Variants in PARM1 observed in about 807,000 individuals in gnomAD.
PARM1 encodes the protein WSC4, cell wall integrity and stress response component 4 homolog.
A neutral mutation model predicts 24.6 loss-of-function variants in PARM1; 14 were observed. That is an observed-to-expected ratio of 0.57 (90% CI 0.38 to 0.89). The LOEUF (loss-of-function observed/expected upper bound fraction) is 0.89, where lower values mean the gene tolerates loss of function less well. Among genes scored for constraint, PARM1 ranks in the 40% least tolerant of loss-of-function variants. The pLI, the probability that PARM1 is intolerant of heterozygous loss-of-function variation, is 0.00. For missense variants in PARM1, 362 were observed against 380.4 expected (o/e 0.95, Z 0.40); for synonymous variants, 179 against 156.6 (o/e 1.14, Z -1.07).
intron 1 of PARM1, among the ~76,000 whole-genome samples, chr4:74,992,285 A>C (rs1463228244): frequency 6.6e-6 from 1 of 152,166 alleles, no homozygotes; most frequent in East Asian, 1.9e-4. Context: ...TTGAAGGCAA[A>C]GTAATAGAAC....
chr4:75,032,058 G>T (rs1723286021), intron 2 of PARM1, among the ~76,000 whole-genome samples: 2 of 152,136 alleles, frequency 1.3e-5, no homozygotes, highest in Admixed American at 1.3e-4. Flanking sequence ...GCACATTTGA[G>T]CATTCAGTGC....
chr4:75,026,324 G>A (rs1723182741), intron 2 of PARM1, among the ~76,000 whole-genome samples: 1 of 152,130 alleles, frequency 6.6e-6, no homozygotes, highest in Admixed American at 6.5e-5. Context: ...TAGGCAGAAT[G>A]TATTCTCATA....
intron 1 of PARM1, among the ~76,000 whole-genome samples, chr4:74,952,192 T>C (rs1447660711): frequency 6.6e-6 from 1 of 152,252 alleles, no homozygotes; most frequent in Non-Finnish European, 1.5e-5. Flanking sequence ...TGACCAGTAA[T>C]GATGAGCTTT....
intron 1 of PARM1, among the ~76,000 whole-genome samples, chr4:74,993,721 A>G (rs1722521038): frequency 1.3e-5 from 2 of 152,154 alleles, no homozygotes; most frequent in South Asian, 4.1e-4. Context: ...TTAATTTTTG[A>G]TGACAGAAAG....
chr4:74,977,261 C>A (rs1008034295), intron 1 of PARM1, among the ~76,000 whole-genome samples: 1 of 152,148 alleles, frequency 6.6e-6, no homozygotes, highest in Admixed American at 6.6e-5. Context: ...TAGAGAGGAA[C>A]ATAAATGACC....
At chr4:74,999,084 A>G (rs1433220245) in intron 1 of PARM1, 1 of 152,290 alleles carries the variant, frequency 6.6e-6, no homozygotes, top group Non-Finnish European at 1.5e-5. Context: ...ACAAAGCCAG[A>G]TGGAGACTTC....
chr4:74,953,574 T>A (rs1490290554), intron 1 of PARM1, among the ~76,000 whole-genome samples: 1 of 152,184 alleles, frequency 6.6e-6, no homozygotes, highest in African/African-American at 2.4e-5. Flanking sequence ...AAGCTTTGAA[T>A]CTTTTTCTAA....
At chr4:74,953,027 C>G (rs1178725629) in intron 1 of PARM1, among the ~76,000 whole-genome samples, 2 of 152,194 alleles carry the variant, frequency 1.3e-5, no homozygotes, top group Admixed American at 6.5e-5. Context: ...TCCCTCCCCA[C>G]AAAAGGTAAG....
At chr4:75,036,516 C>T (rs1389809165) in intron 3 of PARM1, among the ~76,000 whole-genome samples, 1 of 152,122 alleles carries the variant, frequency 6.6e-6, no homozygotes, top group Non-Finnish European at 1.5e-5. Flanking sequence ...TATAGCACTG[C>T]CAACATCATC....
chr4:74,953,954 C>G (rs1386450448), intron 1 of PARM1, among the ~76,000 whole-genome samples: 4 of 152,192 alleles, frequency 2.6e-5, no homozygotes, highest in Non-Finnish European at 4.4e-5. Context: ...GCTACAGACT[C>G]TACCTTGGCT....
intron 1 of PARM1, among the ~76,000 whole-genome samples, chr4:75,010,060 C>T (rs891481463): frequency 6.6e-6 from 1 of 152,292 alleles, no homozygotes; most frequent in Admixed American, 6.5e-5. Flanking sequence ...CACCCACGTT[C>T]ATGGCAACAA....
intron 1 of PARM1, among the ~76,000 whole-genome samples, chr4:74,972,795 TC>T (rs1169437221): frequency 2.6e-5 from 4 of 152,206 alleles, no homozygotes; most frequent in Admixed American, 6.5e-5. Flanking sequence ...AAATGTTAAG[TC>T]CTTTGGTGTC....
At chr4:74,962,434 C>T (rs1362318745) in intron 1 of PARM1, among the ~76,000 whole-genome samples, 1 of 152,052 alleles carries the variant, frequency 6.6e-6, no homozygotes, top group Non-Finnish European at 1.5e-5. Flanking sequence ...AATAAAATGA[C>T]AGAAGTAAGT....
intron 3 of PARM1, among the ~76,000 whole-genome samples, chr4:75,039,560 G>A (rs1461191305): frequency 6.6e-6 from 1 of 151,954 alleles, no homozygotes; most frequent in Admixed American, 6.6e-5. Context: ...ACAGTTTCCT[G>A]GGTCTCATCC....
chr4:75,012,385 T>G lies in PARM1; in HGVS notation c.44-40T>G, dbSNP rs1722885804. 3 of 1,593,358 alleles carry G rather than the reference T, an allele frequency of 1.9e-6. No individual in the cohort carries two copies. The East Asian group carries it at 6.7e-5, about 36-fold the overall frequency. On this transcript the variant is annotated intron_variant, in intron 1 of 3. Coordinates refer to ENST00000307428, the MANE Select transcript of PARM1 (RefSeq NM_015393.4). The stretch of plus-strand genomic sequence containing the variant: ...TGCCTCTATTTCACATATTACCGTG[T>G]TTTCACATATTAACCACTTTTGTAC...
chr4:74,989,464 G>A (rs1015474455), intron 1 of PARM1, among the ~76,000 whole-genome samples: 21 of 152,162 alleles, frequency 1.4e-4, no homozygotes, highest in African/African-American at 2.4e-4. Flanking sequence ...ATAAAGAGAC[G>A]AATAGGGCAA....
intron 1 of PARM1, among the ~76,000 whole-genome samples, chr4:75,004,653 G>A (rs558046551): frequency 1.8e-4 from 27 of 152,284 alleles, no homozygotes; most frequent in Admixed American, 7.8e-4. Flanking sequence ...GTGCCAAGGA[G>A]CTCAGGTTTT....
In PARM1 at chr4:74,936,442, TTTTTTTGTTTG is replaced by T. The variant is rs1371195383; in HGVS notation, c.43+3079_43+3089del. On this transcript the variant is annotated intron_variant, in intron 1 of 3. Transcript: ENST00000307428. ...CCATGGTTGTTACATTCAAGTGTTTTTTTTTTGTTTGTTTTTTTGTTTTTTTTTTGAGATGG... is the reference window on the plus strand; with the variant it reads ...CCATGGTTGTTACATTCAAGTGTTTTTTTTTTTGTTTTTTTTTTGAGATGG... Among the ~76,000 whole-genome samples, 15 of 9,452 alleles carry T rather than the reference TTTTTTTGTTTG, an allele frequency of 1.6e-3. No homozygotes were observed. In the South Asian group the frequency reaches 0.1, roughly 65 times the overall value. 6.2% of individuals were successfully genotyped at this position (9,452 alleles called of 152,430 possible).
intron 1 of PARM1, among the ~76,000 whole-genome samples, chr4:74,962,977 C>T (rs776453881): frequency 1.6e-4 from 24 of 152,184 alleles, no homozygotes; most frequent in Admixed American, 3.3e-4. Flanking sequence ...GGCAGTTTCC[C>T]CCACACTCTT....
Sources: allele counts gnomAD v4.1 joint callset (sites outside exome capture counted in the v4.1 genomes callset), GRCh38; gene constraint gnomAD v4.1.1; transcripts MANE v1.5; gene names NCBI Gene and HGNC (gene_info 2026-07-23, HGNC 2026-07-21).